The following KCNJ18 variants were observed in gnomAD, a reference collection of about 807,000 sequenced individuals.
The protein encoded by KCNJ18 is potassium inwardly rectifying channel subfamily J member 18, also known as inward rectifier potassium channel 18.
A neutral mutation model predicts 17.3 loss-of-function variants in KCNJ18; 16 were observed. The observed-to-expected ratio is 0.92, with a 90% CI of 0.62 to 1.40. The LOEUF (loss-of-function observed/expected upper bound fraction) is 1.40, where lower values mean the gene tolerates loss of function less well. Among genes scored for constraint, KCNJ18 ranks in the 40% most tolerant of loss-of-function variants. KCNJ18 has a pLI of 0.00. For synonymous variants in KCNJ18, 185 were observed against 262.6 expected (o/e 0.70, Z 2.86); for missense variants, 462 against 626.8 (o/e 0.74, Z 2.81).
intron 2 of KCNJ18, among the ~76,000 whole-genome samples, chr17:21,697,203 C>G (rs1341571869): frequency 5.9e-5 from 9 of 152,430 alleles, no homozygotes; most frequent in Admixed American, 4.6e-4. Flanking sequence ...GGAATTGAGA[C>G]AGGTGGGCCT....
Position 21,701,825 on chromosome 17 carries a change from C to T in KCNJ18, c.-56-906C>T, listed in dbSNP as rs1354898689. On this transcript the variant is annotated intron_variant, in intron 2 of 2. Transcript: ENST00000567955. ...GCTCAGGAAGCTGAGGCAGGAGAAT[C>T]GCTTGAACCTAGGAGGCGGAGATGG... Among the ~76,000 whole-genome samples, 60 of 152,192 alleles carry T rather than the reference C, an allele frequency of 3.9e-4. No homozygotes were observed. In the East Asian group the frequency reaches 0.011, roughly 28 times the overall value.
intron 2 of KCNJ18, among the ~76,000 whole-genome samples, chr17:21,698,765 G>C (rs1175092833): frequency 6.6e-6 from 1 of 152,162 alleles, no homozygotes; most frequent in East Asian, 1.9e-4. Flanking sequence ...CCCAGGCCCT[G>C]GTCTGTTCTT....
In KCNJ18 at chr17:21,703,623, G is replaced by A. The variant is rs1429297687; in HGVS notation, c.837G>A (p.Pro279=). 1.0e-4 allele frequency: 167 copies of A among 1,611,146 alleles called. 2 individuals carry two copies. In the African/African-American group the frequency reaches 1.8e-3, roughly 17 times the overall value. The change falls in exon 3 of 3, where the codon CCG becomes CCA. Residue 279 remains proline, a synonymous_variant. Coordinates refer to ENST00000567955, the MANE Select transcript of KCNJ18 (RefSeq NM_001194958.2). ...TGCATGAAATTGACGAGGCCAGCCC[G>A]CTCTTCGGCATCAGCCGGCAGGACC... The part of the protein sequence containing the change: ...TILHEIDEAS[P]LFGISRQDLE...
chr17:21,699,147 T>C (rs1185050267), intron 2 of KCNJ18, among the ~76,000 whole-genome samples: 1 of 152,238 alleles, frequency 6.6e-6, no homozygotes, highest in Non-Finnish European at 1.5e-5. Context: ...GCCAGCCTTC[T>C]TGCTTGCTAA....
intron 2 of KCNJ18, among the ~76,000 whole-genome samples, chr17:21,698,766 G>A (rs1905846620): frequency 6.6e-6 from 1 of 152,150 alleles, no homozygotes; most frequent in Non-Finnish European, 1.5e-5. Flanking sequence ...CCAGGCCCTG[G>A]TCTGTTCTTC....
chr17:21,699,131 T>C (rs1905856413), intron 2 of KCNJ18, among the ~76,000 whole-genome samples: 1 of 152,324 alleles, frequency 6.6e-6, no homozygotes, highest in South Asian at 2.1e-4. Flanking sequence ...ATCTGTGAAA[T>C]GGGGAGCCAG....
At chr17:21,695,829 C>G (rs1905742746) in intron 1 of KCNJ18, among the ~76,000 whole-genome samples, 154 bp from the exon 2 acceptor site, 1 of 152,304 alleles carries the variant, frequency 6.6e-6, no homozygotes, top group South Asian at 2.1e-4. Context: ...AGGTGTGGGG[C>G]ATCAAAGGTG....
Position 21,703,620 on chromosome 17 carries a change from C to A in KCNJ18, c.834C>A (p.Ser278Arg), listed in dbSNP as rs1230409832. ...TCTTGCATGAAATTGACGAGGCCAG[C>A]CCGCTCTTCGGCATCAGCCGGCAGG... The part of the protein sequence containing the change: ...ITILHEIDEA[S>R]PLFGISRQDL... Residue 278 changes from serine (S) to arginine (R), a missense_variant, in exon 3 of 3, where the codon AGC becomes AGA. By Grantham distance (110) the Ser-to-Arg change is moderately radical. Coordinates refer to ENST00000567955, the MANE Select transcript of KCNJ18 (RefSeq NM_001194958.2). 3 of 1,602,744 alleles carry A rather than the reference C, an allele frequency of 1.9e-6. No individual in the cohort carries two copies. The highest frequency in any genetic ancestry group is 3.4e-5 in the Admixed American group (2 of 59,104).
chr17:21,695,085 A>G (rs1905717961), intron 1 of KCNJ18, among the ~76,000 whole-genome samples: 1 of 152,210 alleles, frequency 6.6e-6, no homozygotes, highest in East Asian at 1.9e-4. Flanking sequence ...CCATTCATTC[A>G]TCTACCCATC....
intron 2 of KCNJ18, among the ~76,000 whole-genome samples, chr17:21,699,715 G>A (rs1209561572): frequency 1.3e-5 from 2 of 152,412 alleles, no homozygotes; most frequent in Non-Finnish European, 2.9e-5. Flanking sequence ...AGAAGTGGGG[G>A]TTTCCAAGCC....
chr17:21,702,006 C>T (rs1382504382), intron 2 of KCNJ18, among the ~76,000 whole-genome samples: 1 of 152,242 alleles, frequency 6.6e-6, no homozygotes, highest in African/African-American at 2.4e-5. Flanking sequence ...TGGTTGAGTG[C>T]CCCCAGCTAC....
intron 2 of KCNJ18, among the ~76,000 whole-genome samples, chr17:21,701,876 A>G (rs1227261254): frequency 2.0e-5 from 3 of 151,846 alleles, no homozygotes; most frequent in Non-Finnish European, 2.9e-5. Context: ...GCGCCATTGC[A>G]TTCCAGCCTA....
chr17:21,699,503 A>G (rs1347212200), intron 2 of KCNJ18, among the ~76,000 whole-genome samples: 235 of 152,252 alleles, frequency 1.5e-3, no homozygotes, highest in Non-Finnish European at 2.6e-3. Flanking sequence ...ACACACACAC[A>G]CATGCACACA....
At position 21,695,978 on chromosome 17, in the gene KCNJ18, T is replaced by G. The variant is rs1363539092; in HGVS notation, c.-178-5T>G. The G allele has an allele frequency of 9.8e-5, 15 of 152,446 alleles. No homozygotes were observed. Among genetic ancestry groups the G allele is most frequent in the Non-Finnish European group, 2.1e-4 (14 of 68,172 alleles). 9.4% of individuals were successfully genotyped at this position (152,446 alleles called of 1,614,324 possible). A position where few individuals can be genotyped will look rare whatever the true frequency, so the allele number is the denominator to read the frequency against. On this transcript the variant is annotated splice_polypyrimidine_tract_variant and splice_region_variant and intron_variant, in intron 1 of 2. Coordinates refer to ENST00000567955, the MANE Select transcript of KCNJ18 (RefSeq NM_001194958.2). ...AGTAACTTGGCTTTACTCTTTTAAC[T>G]TTAGGATGTTCTAGTGACTGGATCC...
At chr17:21,702,154 G>A (rs1279092275) in intron 2 of KCNJ18, among the ~76,000 whole-genome samples, 3 of 152,220 alleles carry the variant, frequency 2.0e-5, no homozygotes, top group Admixed American at 6.5e-5. Context: ...GATGTCTTGC[G>A]GGAGGGTGTC....
intron 1 of KCNJ18, among the ~76,000 whole-genome samples, chr17:21,693,437 T>A (rs1369248118): frequency 6.6e-6 from 1 of 152,306 alleles, no homozygotes; most frequent in Non-Finnish European, 1.5e-5. Context: ...ACCAGCAGGA[T>A]GTGGATAGAT....
intron 2 of KCNJ18, 99 bp downstream of exon 2, chr17:21,696,203 C>CT (rs1239258527): frequency 6.6e-6 from 1 of 152,084 alleles, no homozygotes; most frequent in Non-Finnish European, 1.5e-5. Context: ...CCATGCCATC[C>CT]TTTCATCACC....
intron 1 of KCNJ18, among the ~76,000 whole-genome samples, chr17:21,694,539 A>ATCCATCTAC (rs1345682095): frequency 1.5e-3 from 227 of 152,038 alleles, no homozygotes; most frequent in Middle Eastern, 3.4e-3. Context: ...CACCCTATCC[A>ATCCATCTAC]TCCATCTACC....
At chr17:21,698,071 G>A (rs1374005149) in intron 2 of KCNJ18, among the ~76,000 whole-genome samples, 1 of 150,718 alleles carries the variant, frequency 6.6e-6, no homozygotes, top group Non-Finnish European at 1.5e-5. Flanking sequence ...GAGGGCCCTT[G>A]AACCTGTTCT....
Sources: gnomAD v4.1 joint callset for allele counts (sites outside exome capture counted in the v4.1 genomes callset) on GRCh38, gnomAD v4.1.1 for gene constraint, MANE v1.5 for transcripts, NCBI Gene and HGNC (gene_info 2026-07-23, HGNC 2026-07-21) for gene names.